Variants in SLC41A2 observed in about 807,000 individuals in gnomAD.
The protein encoded by SLC41A2 is SLC41A1-like 1.
SLC41A2 carries 32 observed loss-of-function variants against 58.3 expected under a neutral mutation model. The observed-to-expected ratio is 0.55, with a 90% CI of 0.41 to 0.74. The LOEUF is 0.74. Among genes scored for constraint, SLC41A2 ranks in the 30% least tolerant of loss-of-function variants. The pLI, the probability that SLC41A2 is intolerant of heterozygous loss-of-function variation, is 0.00. For synonymous variants in SLC41A2, 190 were observed against 235.0 expected (o/e 0.81, Z 1.75); for missense variants, 514 against 680.6 (o/e 0.76, Z 2.72).
chr12:104,824,055 C>T (rs1330228028), intron 10 of SLC41A2, among the ~76,000 whole-genome samples: 2 of 151,980 alleles, frequency 1.3e-5, no homozygotes, highest in East Asian at 3.9e-4. Flanking sequence ...TTAAATGATA[C>T]GGAAGAGGTG....
intron 2 of SLC41A2, among the ~76,000 whole-genome samples, chr12:104,915,282 AAC>A (rs1316706161): frequency 6.6e-6 from 1 of 152,244 alleles, no homozygotes; most frequent in African/African-American, 2.4e-5. Context: ...CAGTTAAAAA[AAC>A]ACATACTCCA....
chr12:104,957,114 G>A (rs1323880213), intron 1 of SLC41A2, among the ~76,000 whole-genome samples: 1 of 152,128 alleles, frequency 6.6e-6, no homozygotes, highest in Non-Finnish European at 1.5e-5. Context: ...ACACACAATG[G>A]CCAAAAACTG....
chr12:104,815,865 A>G (rs753303883), intron 10 of SLC41A2, among the ~76,000 whole-genome samples: 1 of 152,186 alleles, frequency 6.6e-6, no homozygotes, highest in Non-Finnish European at 1.5e-5. Context: ...TTATATTCAG[A>G]TATAAGCATC....
intron 10 of SLC41A2, among the ~76,000 whole-genome samples, chr12:104,823,577 C>A (rs1450618164): frequency 2.0e-5 from 3 of 152,006 alleles, no homozygotes; most frequent in African/African-American, 7.2e-5. Flanking sequence ...GATGTTCATA[C>A]TGAAAAATAT....
chr12:104,881,516 G>A (rs978713932), intron 6 of SLC41A2, among the ~76,000 whole-genome samples: 9 of 152,146 alleles, frequency 5.9e-5, no homozygotes, highest in African/African-American at 1.9e-4. Flanking sequence ...GGTATGTTAT[G>A]TCTTTGGTCT....
chr12:104,956,970 A>G (rs2048192130), intron 1 of SLC41A2, among the ~76,000 whole-genome samples: 1 of 152,224 alleles, frequency 6.6e-6, no homozygotes, highest in Non-Finnish European at 1.5e-5. Context: ...TGGGAAAGTA[A>G]AATGGTACAG....
intron 10 of SLC41A2, among the ~76,000 whole-genome samples, chr12:104,830,452 T>C (rs1322485576): frequency 6.6e-6 from 1 of 152,206 alleles, no homozygotes; most frequent in Admixed American, 6.5e-5. Context: ...AATTCAAGTT[T>C]TGGTTTTTGG....
chr12:104,904,864 G>A (rs1443566626), intron 3 of SLC41A2, among the ~76,000 whole-genome samples: 2 of 152,164 alleles, frequency 1.3e-5, no homozygotes, highest in African/African-American at 2.4e-5. Flanking sequence ...TGGACCCAAA[G>A]AGTGAGCAGT....
intron 10 of SLC41A2, among the ~76,000 whole-genome samples, chr12:104,826,039 C>T (rs1413855632): frequency 6.6e-6 from 1 of 152,176 alleles, no homozygotes; most frequent in Non-Finnish European, 1.5e-5. Context: ...GGAAGATGCT[C>T]GCTTTCTCTC....
chr12:104,863,441 GA>G (rs1035620437), intron 7 of SLC41A2, among the ~76,000 whole-genome samples: 14 of 150,518 alleles, frequency 9.3e-5, no homozygotes, highest in South Asian at 4.2e-4. Flanking sequence ...TCTCTAAAAA[GA>G]AAAAAAAGAG....
intron 1 of SLC41A2, among the ~76,000 whole-genome samples, chr12:104,951,197 A>G (rs2047938229): frequency 6.6e-6 from 1 of 152,230 alleles, no homozygotes. Flanking sequence ...ATGAAAATGA[A>G]TATCTCTGTG....
chr12:104,849,785 G>A (rs1037515627), intron 8 of SLC41A2, among the ~76,000 whole-genome samples: 2 of 152,164 alleles, frequency 1.3e-5, no homozygotes, highest in East Asian at 3.9e-4. Context: ...CCGTGGTCAT[G>A]CCACTGCACT....
chr12:104,811,068 C>G (rs1002020923), intron 10 of SLC41A2, among the ~76,000 whole-genome samples: 1 of 152,044 alleles, frequency 6.6e-6, no homozygotes, highest in Non-Finnish European at 1.5e-5. Flanking sequence ...TCCTGTGCCA[C>G]TGGGGAAAAA....
At chr12:104,902,155 C>G (rs778230662) in intron 3 of SLC41A2, among the ~76,000 whole-genome samples, 6 of 148,536 alleles carry the variant, frequency 4.0e-5, no homozygotes, top group Non-Finnish European at 8.9e-5. Context: ...AAAAAAACAG[C>G]TTTCAAATAG....
chr12:104,895,180 G>A, intron 4 of SLC41A2, 94 bp downstream of exon 4: 1 of 816,614 alleles, frequency 1.2e-6, no homozygotes, highest in South Asian at 1.6e-5. Context: ...CAATTAAAGG[G>A]TAGACTCATA....
chr12:104,834,889 C>T (rs988801689), intron 10 of SLC41A2, among the ~76,000 whole-genome samples: 1 of 152,074 alleles, frequency 6.6e-6, no homozygotes, highest in Non-Finnish European at 1.5e-5. Flanking sequence ...CAATTATAGT[C>T]ATGTTGTTAC....
At chr12:104,883,606 G>A (rs944806830) in intron 6 of SLC41A2, among the ~76,000 whole-genome samples, 1 of 152,202 alleles carries the variant, frequency 6.6e-6, no homozygotes, top group African/African-American at 2.4e-5. Flanking sequence ...GAGTTTGCTG[G>A]AGGTCCACTC....
intron 10 of SLC41A2, chr12:104,834,143 C>G: frequency 1.0e-6 from 1 of 985,414 alleles, no homozygotes; most frequent in Non-Finnish European, 1.2e-6. Context: ...GTCATTTCAT[C>G]TTCTGTGCAT....
At chr12:104,827,970 C>T (rs1406388706) in intron 10 of SLC41A2, among the ~76,000 whole-genome samples, 6 of 152,170 alleles carry the variant, frequency 3.9e-5, no homozygotes, top group Admixed American at 1.3e-4. Context: ...CACCCCCAGG[C>T]CTGTGCCCAT....
Sources: allele counts gnomAD v4.1 joint callset (sites outside exome capture counted in the v4.1 genomes callset), GRCh38; gene constraint gnomAD v4.1.1; transcripts MANE v1.5; gene names NCBI Gene and HGNC (gene_info 2026-07-23, HGNC 2026-07-21).